Variants in VDAC1 observed in about 807,000 individuals in gnomAD.
VDAC1 encodes non-selective voltage-gated ion channel VDAC1.
Under a neutral mutation model 34.7 loss-of-function variants are expected in VDAC1, and 10 were observed. That is an observed-to-expected ratio of 0.29 (90% CI 0.18 to 0.49). VDAC1 has a LOEUF of 0.49. Among genes scored for constraint, VDAC1 ranks in the 20% least tolerant of loss-of-function variants. The pLI, the probability that VDAC1 is intolerant of heterozygous loss-of-function variation, is 0.99. For missense variants in VDAC1, 230 were observed against 347.9 expected (o/e 0.66, Z 2.69); for synonymous variants, 130 against 136.0 (o/e 0.96, Z 0.30).
At chr5:134,045,049 C>T in the VDAC1 span, among the ~76,000 whole-genome samples, 1 of 152,228 alleles carries the variant, frequency 6.6e-6, no homozygotes, top group East Asian at 1.9e-4. Flanking sequence ...AAGGTCGGCC[C>T]TGTGAAGTTC....
the VDAC1 span, among the ~76,000 whole-genome samples, chr5:134,096,750 C>T: frequency 6.6e-6 from 1 of 152,136 alleles, no homozygotes; most frequent in South Asian, 2.1e-4. Context: ...TGTGCCACCA[C>T]ACCTGGCTAA....
At chr5:134,042,087 G>T in the VDAC1 span, among the ~76,000 whole-genome samples, 2 of 152,214 alleles carry the variant, frequency 1.3e-5, no homozygotes, top group Non-Finnish European at 2.9e-5. Flanking sequence ...GAACTTGGAG[G>T]CCAGAACCCC....
chr5:134,040,020 C>T, the VDAC1 span, among the ~76,000 whole-genome samples: 1 of 152,324 alleles, frequency 6.6e-6, no homozygotes, highest in East Asian at 1.9e-4. Context: ...CCTGGAACCC[C>T]AAAATTGGGC....
intron 1 of VDAC1, among the ~76,000 whole-genome samples, chr5:133,998,399 G>A (rs946936802): frequency 1.3e-5 from 2 of 152,194 alleles, no homozygotes; most frequent in Admixed American, 1.3e-4. Flanking sequence ...AGCCGGGCGT[G>A]GTGGTAAGTG....
chr5:134,006,465 G>A (rs1753752634), upstream of VDAC1, among the ~76,000 whole-genome samples: 1 of 152,176 alleles, frequency 6.6e-6, no homozygotes. Flanking sequence ...AATCTGGGCC[G>A]GGTGCAGTGG....
intron 3 of VDAC1, 73 bp downstream of exon 3, chr5:133,992,233 T>A: frequency 8.7e-7 from 1 of 1,148,098 alleles, no homozygotes; most frequent in East Asian, 3.2e-5. Flanking sequence ...CAAAACTCCA[T>A]CTCAAAAATA....
chr5:134,049,230 G>T, the VDAC1 span, among the ~76,000 whole-genome samples: 10 of 152,226 alleles, frequency 6.6e-5, 1 homozygote, highest in Middle Eastern at 3.4e-3. Context: ...CATTTAAAAT[G>T]ATTTCATACT....
the VDAC1 span, among the ~76,000 whole-genome samples, chr5:134,058,337 G>A: frequency 8.8e-5 from 13 of 147,230 alleles, no homozygotes; most frequent in African/African-American, 2.3e-4. Flanking sequence ...TTTTTGAGAC[G>A]GAGTCTCACT....
the VDAC1 span, among the ~76,000 whole-genome samples, chr5:134,101,691 G>A: frequency 6.6e-6 from 1 of 152,196 alleles, no homozygotes; most frequent in South Asian, 2.1e-4. Flanking sequence ...ACCAGCCTGA[G>A]TAGCTGTGTC....
the VDAC1 span, among the ~76,000 whole-genome samples, chr5:134,106,855 A>G: frequency 5.4e-3 from 817 of 152,244 alleles, 7 homozygotes; most frequent in African/African-American, 0.018. Flanking sequence ...CTTCTCTCCT[A>G]TTTCTTCCCA....
Position 133,978,866 on chromosome 5 carries a change from AG to A in VDAC1, c.551+1862del, listed in dbSNP as rs145566177. Among the ~76,000 whole-genome samples the A allele has an allele frequency of 3.4e-3, 520 of 152,250 alleles. 2 individuals are homozygous for A. Among genetic ancestry groups the A allele is most frequent in the African/African-American group, 0.012 (502 of 41,534 alleles). ...TGCCTCCACAAAAAATACAAAAATT[AG>A]CCAGGTGTGGTGGCATGCACCTGTA... is the stretch of plus-strand genomic sequence containing the variant. On this transcript the variant is annotated intron_variant, in intron 6 of 8. Coordinates refer to ENST00000265333, the MANE Select transcript of VDAC1 (RefSeq NM_003374.3).
At chr5:134,110,486 A>G in the VDAC1 span, among the ~76,000 whole-genome samples, 11 of 152,324 alleles carry the variant, frequency 7.2e-5, no homozygotes, top group Admixed American at 5.2e-4. Flanking sequence ...ACACACATGG[A>G]CACACACGCC....
intron 5 of VDAC1, among the ~76,000 whole-genome samples, chr5:133,986,882 T>C (rs1752927189): frequency 6.6e-6 from 1 of 152,192 alleles, no homozygotes; most frequent in Non-Finnish European, 1.5e-5. Context: ...CCAAAGCCCA[T>C]ATCTGGGACA....
At chr5:133,997,099 G>A (rs1176375515) in intron 1 of VDAC1, among the ~76,000 whole-genome samples, 5 of 152,116 alleles carry the variant, frequency 3.3e-5, no homozygotes, top group Middle Eastern at 3.2e-3. Flanking sequence ...TGGCAAAAAC[G>A]TAAATAATAT....
intron 8 of VDAC1, among the ~76,000 whole-genome samples, 197 bp from the exon 9 acceptor site, chr5:133,973,059 T>A (rs1174832095): frequency 1.3e-5 from 2 of 152,204 alleles, no homozygotes; most frequent in Non-Finnish European, 1.5e-5. Context: ...ACTATAATTA[T>A]CCCACCGCCC....
At chr5:134,029,368 G>A in the VDAC1 span, among the ~76,000 whole-genome samples, 1 of 152,208 alleles carries the variant, frequency 6.6e-6, no homozygotes, top group Non-Finnish European at 1.5e-5. Flanking sequence ...GCACTTTGGG[G>A]TAATTTATTA....
At chr5:133,975,210 G>A (rs555331503) in intron 7 of VDAC1, among the ~76,000 whole-genome samples, 1 of 152,272 alleles carries the variant, frequency 6.6e-6, no homozygotes, top group East Asian at 1.9e-4. Flanking sequence ...TGAGGCTGCA[G>A]TGAGCTGCAA....
At chr5:134,039,277 A>G in the VDAC1 span, among the ~76,000 whole-genome samples, 1 of 152,094 alleles carries the variant, frequency 6.6e-6, no homozygotes, top group South Asian at 2.1e-4. Context: ...CCCCAACGAA[A>G]CAGATGATTG....
At chr5:133,983,107 G>A (rs1326458207) in intron 5 of VDAC1, among the ~76,000 whole-genome samples, 1 of 151,734 alleles carries the variant, frequency 6.6e-6, no homozygotes, top group African/African-American at 2.4e-5. Flanking sequence ...AAATTAGCCG[G>A]GTGTGGTGGC....
Sources: allele counts gnomAD v4.1 joint callset (sites outside exome capture counted in the v4.1 genomes callset), GRCh38; gene constraint gnomAD v4.1.1; transcripts MANE v1.5; gene names NCBI Gene and HGNC (gene_info 2026-07-23, HGNC 2026-07-21).